Variants in CA10 observed in about 807,000 individuals in gnomAD.
CA10 encodes carbonic anhydrase-related protein 10.
In CA10, 14 loss-of-function variants were observed where a neutral mutation model predicts 44.2. The observed-to-expected ratio is 0.32, with a 90% CI of 0.21 to 0.50. The LOEUF is 0.50. Ranked by LOEUF, CA10 falls within the 20% of genes least tolerant of loss-of-function variation. The pLI, the probability that CA10 is intolerant of heterozygous loss-of-function variation, is 0.99. For missense variants in CA10, 350 were observed against 409.7 expected, an observed-to-expected ratio of 0.85 and a Z score of 1.26; for synonymous variants, 159 against 141.6, an observed-to-expected ratio of 1.12 and a Z score of -0.87.
intron 3 of CA10, among the ~76,000 whole-genome samples, chr17:51,881,504 A>G (rs1980373746): frequency 1.3e-5 from 2 of 152,124 alleles, no homozygotes; most frequent in African/African-American, 4.8e-5. Flanking sequence ...ATGATAAAAA[A>G]GAAAAAATTT....
intron 1 of CA10, among the ~76,000 whole-genome samples, chr17:52,082,086 T>G (rs1987998852): frequency 6.6e-6 from 1 of 152,242 alleles, no homozygotes; most frequent in Non-Finnish European, 1.5e-5. Flanking sequence ...GTAAAAATGT[T>G]GTGCTTTGTC....
At chr17:52,157,564 T>G (rs1989834130) in intron 1 of CA10, among the ~76,000 whole-genome samples, 162 bp downstream of exon 1, 2 of 124,376 alleles carry the variant, frequency 1.6e-5, no homozygotes, top group South Asian at 5.5e-4. Flanking sequence ...TCACACACCC[T>G]TGGGCTGAGA....
rs114839411 is a variant in CA10, at chr17:51,887,146, G to A, written c.279+43844C>T. Among the ~76,000 whole-genome samples the A allele has an allele frequency of 8.4e-3, 1,280 of 151,588 alleles. 20 individuals are homozygous for A. The highest frequency in any genetic ancestry group is 0.037 in the Middle Eastern group (11 of 294). On this transcript the variant is annotated intron_variant, in intron 3 of 8. Coordinates refer to ENST00000451037, the MANE Select transcript of CA10 (RefSeq NM_020178.5). ...TAAGTCTGTTTCAGTAGAGAACTTC[G>A]GCTAATACAATCTTATTCTTGAAAA...
Position 52,046,505 on chromosome 17 carries a change from A to G in CA10, c.136+25814T>C, listed in dbSNP as rs186151116. On this transcript the variant is annotated intron_variant, in intron 2 of 8. Transcript: ENST00000451037. ...AAATTCCTTGAAAATACTTTCTACC[A>G]AAGCTTACTGTAGAAGAAATAATCT... Among the ~76,000 whole-genome samples, 905 of 151,958 alleles carry G rather than the reference A, an allele frequency of 6.0e-3. 6 individuals carry two copies. Among genetic ancestry groups the G allele is most frequent in the South Asian group, 0.02 (98 of 4,822 alleles).
intron 3 of CA10, among the ~76,000 whole-genome samples, chr17:51,814,220 G>A (rs934817031): frequency 6.6e-6 from 1 of 152,140 alleles, no homozygotes; most frequent in Non-Finnish European, 1.5e-5. Flanking sequence ...TAATAAATAT[G>A]CATTAATAAT....
At chr17:51,696,028 G>A (rs1029250819) in intron 4 of CA10, among the ~76,000 whole-genome samples, 2 of 152,156 alleles carry the variant, frequency 1.3e-5, no homozygotes, top group Non-Finnish European at 2.9e-5. Context: ...TTTGATCATG[G>A]TGAATTAACT....
At chr17:51,776,814 A>G (rs1343408029) in intron 3 of CA10, among the ~76,000 whole-genome samples, 2 of 152,202 alleles carry the variant, frequency 1.3e-5, no homozygotes, top group Non-Finnish European at 2.9e-5. Context: ...TAGTACCTAC[A>G]CGTATTGGAC....
chr17:51,825,978 A>C (rs1449038766), intron 3 of CA10, among the ~76,000 whole-genome samples: 2 of 152,194 alleles, frequency 1.3e-5, no homozygotes, highest in Non-Finnish European at 2.9e-5. Context: ...CACTCTACGC[A>C]CTTATAATCT....
intron 1 of CA10, among the ~76,000 whole-genome samples, chr17:52,148,852 G>A (rs1021340353): frequency 1.3e-5 from 2 of 152,116 alleles, no homozygotes; most frequent in Admixed American, 6.5e-5. Flanking sequence ...CTTATGCCTG[G>A]CCCAGTGCCC....
intron 3 of CA10, among the ~76,000 whole-genome samples, chr17:51,796,442 T>G (rs1220749919): frequency 6.6e-6 from 1 of 152,138 alleles, no homozygotes; most frequent in Non-Finnish European, 1.5e-5. Flanking sequence ...CTGAGGCCAT[T>G]CTAGGCCATT....
chr17:51,842,437 T>G (rs191847059), intron 3 of CA10, among the ~76,000 whole-genome samples: 41 of 152,320 alleles, frequency 2.7e-4, no homozygotes, highest in Non-Finnish European at 5.6e-4. Context: ...AAATATATCC[T>G]GTTTATCCAT....
At chr17:51,975,873 A>G (rs1363239523) in intron 2 of CA10, among the ~76,000 whole-genome samples, 5 of 4,054 alleles carry the variant, frequency 1.2e-3, no homozygotes, top group Non-Finnish European at 2.4e-3. Flanking sequence ...TCTGTCTCGG[A>G]AAAAAAAAAA....
At chr17:51,871,493 G>A (rs1259727529) in intron 3 of CA10, among the ~76,000 whole-genome samples, 1 of 147,838 alleles carries the variant, frequency 6.8e-6, no homozygotes, top group African/African-American at 2.5e-5. Context: ...ACCTGCCTTG[G>A]CCTCCCAAAG....
chr17:51,682,824 G>C (rs765151679), intron 4 of CA10, among the ~76,000 whole-genome samples: 3 of 152,218 alleles, frequency 2.0e-5, no homozygotes, highest in Non-Finnish European at 2.9e-5. Context: ...TGACGTTGAT[G>C]AAGGGCTCCT....
At chr17:52,005,927 G>T (rs1471552752) in intron 2 of CA10, among the ~76,000 whole-genome samples, 1 of 151,724 alleles carries the variant, frequency 6.6e-6, no homozygotes, top group Non-Finnish European at 1.5e-5. Context: ...CTGACTTAAA[G>T]GTTCAAAGCA....
chr17:51,753,129 G>C (rs78438572), intron 3 of CA10, among the ~76,000 whole-genome samples: 111 of 152,284 alleles, frequency 7.3e-4, no homozygotes, highest in African/African-American at 2.4e-3. Context: ...GGTCAAGGAA[G>C]TCCCTCAATT....
intron 1 of CA10, among the ~76,000 whole-genome samples, chr17:52,124,589 C>A (rs187071132): frequency 2.5e-4 from 38 of 152,324 alleles, no homozygotes; most frequent in Admixed American, 2.4e-3. Flanking sequence ...ATAAGATATT[C>A]ATAATTTGGC....
intron 2 of CA10, among the ~76,000 whole-genome samples, chr17:52,033,207 G>T (rs1457175518): frequency 6.6e-6 from 1 of 152,122 alleles, no homozygotes; most frequent in Non-Finnish European, 1.5e-5. Flanking sequence ...AGTAAAATTG[G>T]ATACTGTGGC....
chr17:52,153,967 G>A (rs1037949840), intron 1 of CA10, among the ~76,000 whole-genome samples: 8 of 152,128 alleles, frequency 5.3e-5, no homozygotes, highest in African/African-American at 1.9e-4. Flanking sequence ...AACAGTGTAG[G>A]AAATATTCCT....
Sources: allele counts gnomAD v4.1 joint callset (sites outside exome capture counted in the v4.1 genomes callset), GRCh38; gene constraint gnomAD v4.1.1; transcripts MANE v1.5; gene names NCBI Gene and HGNC (gene_info 2026-07-23, HGNC 2026-07-21).